The following PPARGC1A variants were observed in gnomAD, a reference collection of about 807,000 sequenced individuals.
PPARGC1A encodes the protein peroxisome proliferator-activated receptor gamma coactivator 1-alpha.
A neutral mutation model predicts 88.7 loss-of-function variants in PPARGC1A; 25 were observed. The observed-to-expected ratio is 0.28, with a 90% CI of 0.21 to 0.39. The LOEUF (loss-of-function observed/expected upper bound fraction) is 0.39, where lower values mean the gene tolerates loss of function less well. Ranked by LOEUF, PPARGC1A falls within the 10% of genes least tolerant of loss-of-function variation. The pLI, the probability that PPARGC1A is intolerant of heterozygous loss-of-function variation, is 1.00. For missense variants in PPARGC1A, 880 were observed against 968.7 expected (o/e 0.91, Z 1.22); for synonymous variants, 363 against 355.6 (o/e 1.02, Z -0.24).
chr4:24,318,202 T>C, the PPARGC1A span, among the ~76,000 whole-genome samples: 1 of 152,230 alleles, frequency 6.6e-6, no homozygotes, highest in Non-Finnish European at 1.5e-5. Context: ...CCACTTGGTA[T>C]AGTGACGAAA....
At chr4:23,870,949 T>C (rs1577592307) in intron 2 of PPARGC1A, among the ~76,000 whole-genome samples, 1 of 152,010 alleles carries the variant, frequency 6.6e-6, no homozygotes, top group Non-Finnish European at 1.5e-5. Flanking sequence ...TTTTTTTTTT[T>C]TTTTCTTTTC....
At chr4:24,165,193 A>T in the PPARGC1A span, among the ~76,000 whole-genome samples, 6 of 152,162 alleles carry the variant, frequency 3.9e-5, no homozygotes, top group African/African-American at 1.2e-4. Flanking sequence ...AAATTAAAAA[A>T]TTTTAATTTT....
chr4:23,893,313 T>G (rs1051605582), upstream of PPARGC1A, among the ~76,000 whole-genome samples: 5 of 152,174 alleles, frequency 3.3e-5, no homozygotes, highest in African/African-American at 1.2e-4. Context: ...TTCAGACAAC[T>G]GCCCATTTCT....
At chr4:24,118,097 T>G in the PPARGC1A span, among the ~76,000 whole-genome samples, 2 of 152,148 alleles carry the variant, frequency 1.3e-5, no homozygotes, top group Non-Finnish European at 2.9e-5. Context: ...GATGGCAGAC[T>G]GAATTTACAA....
chr4:23,867,325 C>G (rs1158606548), intron 2 of PPARGC1A, among the ~76,000 whole-genome samples: 1 of 152,178 alleles, frequency 6.6e-6, no homozygotes, highest in Non-Finnish European at 1.5e-5. Context: ...CTTAATACAT[C>G]TTTGTATTAT....
chr4:24,188,354 G>C, the PPARGC1A span, among the ~76,000 whole-genome samples: 1 of 152,060 alleles, frequency 6.6e-6, no homozygotes, highest in East Asian at 1.9e-4. Flanking sequence ...TTCACATCAG[G>C]CTTTCCCCAA....
At chr4:24,191,054 C>A in the PPARGC1A span, among the ~76,000 whole-genome samples, 1 of 152,200 alleles carries the variant, frequency 6.6e-6, no homozygotes. Context: ...AGCAGCCCCT[C>A]TATTTGTGCA....
the PPARGC1A span, among the ~76,000 whole-genome samples, chr4:24,268,146 A>C: frequency 6.6e-6 from 1 of 152,226 alleles, no homozygotes; most frequent in African/African-American, 2.4e-5. Flanking sequence ...CATGGATCTT[A>C]CATTTGTAAT....
At chr4:23,953,019 A>G in the PPARGC1A span, among the ~76,000 whole-genome samples, 1 of 151,938 alleles carries the variant, frequency 6.6e-6, no homozygotes, top group Non-Finnish European at 1.5e-5. Flanking sequence ...CCTATTGCCT[A>G]CCTACCTGAA....
chr4:24,020,202 A>G, the PPARGC1A span, among the ~76,000 whole-genome samples: 6 of 152,292 alleles, frequency 3.9e-5, no homozygotes, highest in South Asian at 4.1e-4. Flanking sequence ...TCTAAAACCT[A>G]TTGTTCAAAG....
the PPARGC1A span, among the ~76,000 whole-genome samples, chr4:24,295,498 T>C: frequency 2.0e-5 from 3 of 152,086 alleles, no homozygotes; most frequent in Non-Finnish European, 4.4e-5. Flanking sequence ...GGCATTGGAC[T>C]AGAATCCTGG....
the PPARGC1A span, among the ~76,000 whole-genome samples, chr4:24,068,850 A>G: frequency 2.6e-5 from 4 of 152,104 alleles, no homozygotes; most frequent in Non-Finnish European, 5.9e-5. Context: ...CTCATCATGG[A>G]CCCTCATGGT....
the PPARGC1A span, among the ~76,000 whole-genome samples, chr4:24,095,716 G>A: frequency 5.9e-5 from 9 of 152,098 alleles, no homozygotes; most frequent in African/African-American, 9.7e-5. Context: ...CTTATTTCTC[G>A]CCATTCTGGA....
At chr4:23,964,222 A>T in the PPARGC1A span, among the ~76,000 whole-genome samples, 4 of 152,194 alleles carry the variant, frequency 2.6e-5, no homozygotes, top group Non-Finnish European at 1.5e-5. Flanking sequence ...ATTTTTACAG[A>T]TGAGAAAATT....
chr4:24,245,127 C>T, the PPARGC1A span, among the ~76,000 whole-genome samples: 1 of 152,342 alleles, frequency 6.6e-6, no homozygotes, highest in South Asian at 2.1e-4. Context: ...GTCCCAGTGA[C>T]AGCACAACAG....
the PPARGC1A span, among the ~76,000 whole-genome samples, chr4:23,991,425 C>G: frequency 5.6e-3 from 848 of 152,102 alleles, 37 homozygotes; most frequent in East Asian, 0.091. Context: ...ATTACTCAGA[C>G]AAACACAATC....
chr4:24,314,305 A>C, the PPARGC1A span, among the ~76,000 whole-genome samples: 1 of 152,194 alleles, frequency 6.6e-6, no homozygotes, highest in African/African-American at 2.4e-5. Context: ...AGTGGTATTG[A>C]GAAGTGGAAC....
chr4:24,131,150 C>T, the PPARGC1A span, among the ~76,000 whole-genome samples: 1 of 152,042 alleles, frequency 6.6e-6, no homozygotes, highest in East Asian at 1.9e-4. Flanking sequence ...TAGTACCTAG[C>T]ACAGTGCCAG....
chr4:23,887,203 GCT>G (rs3836557), intron 1 of PPARGC1A, among the ~76,000 whole-genome samples: 28 of 150,532 alleles, frequency 1.9e-4, no homozygotes, highest in Non-Finnish European at 1.0e-4. Flanking sequence ...TCGCTCGTGC[GCT>G]CTCTCTCTCT....
Sources: gnomAD v4.1 joint callset for allele counts (sites outside exome capture counted in the v4.1 genomes callset) on GRCh38, gnomAD v4.1.1 for gene constraint, MANE v1.5 for transcripts, NCBI Gene and HGNC (gene_info 2026-07-23, HGNC 2026-07-21) for gene names.